The following CSMD1 variants were observed in gnomAD, a reference collection of about 807,000 sequenced individuals.
CSMD1 encodes CUB and sushi domain-containing protein 1.
A neutral mutation model predicts 417.5 loss-of-function variants in CSMD1; 213 were observed. The ratio of observed to expected loss-of-function variants is 0.51; its 90% CI spans 0.46 to 0.57. CSMD1 has a LOEUF of 0.57. CSMD1 is among the 20% of genes least tolerant of loss of function. CSMD1 has a pLI of 0.00. For missense variants in CSMD1, 6,923 were observed against 4,529.7 expected (o/e 1.53, Z -15.17); for synonymous variants, 2,862 against 1,736.8 (o/e 1.65, Z -16.11).
rs549729315 is a variant in CSMD1 at position 4,707,822 on chromosome 8, G to A, written c.86-70264C>T. Among the ~76,000 whole-genome samples, 3 of 147,304 alleles carry A rather than the reference G, an allele frequency of 2.0e-5. No homozygotes were observed. In the South Asian group the frequency reaches 6.5e-4, roughly 32 times the overall value. On this transcript the variant is annotated intron_variant, in intron 1 of 69. Coordinates refer to ENST00000635120, the MANE Select transcript of CSMD1 (RefSeq NM_033225.6). ...GAATCGCTTGAACTCGGGAGGGAGA[G>A]GTTGCAGTGAACCAAGATCGCACCA...
At chr8:3,703,892 A>C (rs953942221) in intron 7 of CSMD1, among the ~76,000 whole-genome samples, 5 of 152,120 alleles carry the variant, frequency 3.3e-5, no homozygotes, top group African/African-American at 9.7e-5. Context: ...CCAATGGTGA[A>C]ACCCCATCTC....
intron 2 of CSMD1, among the ~76,000 whole-genome samples, chr8:4,615,671 C>T (rs948152569): frequency 6.6e-6 from 1 of 151,944 alleles, no homozygotes; most frequent in Non-Finnish European, 1.5e-5. Flanking sequence ...GTGTTATTTC[C>T]TTATACCATC....
At chr8:4,295,624 T>C (rs1585178368) in intron 3 of CSMD1, among the ~76,000 whole-genome samples, 2 of 145,514 alleles carry the variant, frequency 1.4e-5, no homozygotes, top group Admixed American at 1.4e-4. Flanking sequence ...ATTATATATA[T>C]ATAAACATAT....
intron 2 of CSMD1, among the ~76,000 whole-genome samples, chr8:4,614,167 T>C (rs1279034694): frequency 1.3e-5 from 2 of 152,292 alleles, no homozygotes; most frequent in East Asian, 1.9e-4. Flanking sequence ...ATAATAGTTA[T>C]GCATGAAAGA....
At chr8:3,809,564 G>A (rs1449965506) in intron 5 of CSMD1, among the ~76,000 whole-genome samples, 1 of 152,108 alleles carries the variant, frequency 6.6e-6, no homozygotes, top group Non-Finnish European at 1.5e-5. Context: ...GATTCACTGG[G>A]AGAGCTTGTG....
At chr8:3,361,005 T>C (rs1004732878) in intron 20 of CSMD1, among the ~76,000 whole-genome samples, 4 of 152,194 alleles carry the variant, frequency 2.6e-5, no homozygotes, top group Admixed American at 1.3e-4. Flanking sequence ...AGGTGGATAC[T>C]TTCTGAATTA....
intron 37 of CSMD1, among the ~76,000 whole-genome samples, chr8:3,164,056 C>T (rs1194867450): frequency 2.0e-5 from 3 of 152,190 alleles, no homozygotes; most frequent in African/African-American, 7.2e-5. Context: ...GGAGGCAACA[C>T]CATCCCAAAT....
At chr8:4,256,420 G>A (rs745889010) in intron 3 of CSMD1, among the ~76,000 whole-genome samples, 8 of 152,150 alleles carry the variant, frequency 5.3e-5, no homozygotes, top group African/African-American at 1.7e-4. Context: ...TCTGAAAATA[G>A]CACAGAATTG....
chr8:4,421,858 A>T (rs544946286), intron 2 of CSMD1, among the ~76,000 whole-genome samples: 1 of 152,002 alleles, frequency 6.6e-6, no homozygotes, highest in African/African-American at 2.4e-5. Flanking sequence ...AAGAAAAAAG[A>T]ACAAATAATG....
intron 49 of CSMD1, among the ~76,000 whole-genome samples, chr8:3,054,073 G>A (rs1216362897): frequency 2.0e-5 from 3 of 152,322 alleles, no homozygotes; most frequent in East Asian, 3.9e-4. Context: ...TCTGGCCAGA[G>A]AGCAAATCTT....
At chr8:3,003,423 C>G (rs28385459) in intron 52 of CSMD1, among the ~76,000 whole-genome samples, 174 of 152,278 alleles carry the variant, frequency 1.1e-3, no homozygotes, top group African/African-American at 4.0e-3. Flanking sequence ...GAAATGTAAT[C>G]AAGTTCATGC....
chr8:4,458,276 C>A (rs1799605127), intron 2 of CSMD1, among the ~76,000 whole-genome samples: 1 of 152,022 alleles, frequency 6.6e-6, no homozygotes, highest in Non-Finnish European at 1.5e-5. Context: ...AAATGACACT[C>A]AATGAGAAAT....
intron 1 of CSMD1, among the ~76,000 whole-genome samples, chr8:4,833,430 C>T (rs1800267535): frequency 6.6e-6 from 1 of 152,174 alleles, no homozygotes; most frequent in Admixed American, 6.5e-5. Context: ...AATCTGCCCC[C>T]ATGATCCAAT....
At chr8:4,805,574 T>C (rs78144126) in intron 1 of CSMD1, among the ~76,000 whole-genome samples, 76 of 152,286 alleles carry the variant, frequency 5.0e-4, no homozygotes, top group African/African-American at 1.7e-3. Context: ...AAATGTGAAA[T>C]GGAGAGGAAG....
intron 1 of CSMD1, among the ~76,000 whole-genome samples, chr8:4,816,197 T>G (rs1563478295): frequency 1.3e-5 from 2 of 151,846 alleles, no homozygotes; most frequent in African/African-American, 4.8e-5. Flanking sequence ...TATTTGCTTT[T>G]TTTTTGGGAC....
chr8:3,732,075 G>A (rs1338675908), intron 6 of CSMD1, among the ~76,000 whole-genome samples: 2 of 152,074 alleles, frequency 1.3e-5, no homozygotes, highest in Non-Finnish European at 2.9e-5. Flanking sequence ...TGACCAAAGA[G>A]CCTAATAAAA....
intron 5 of CSMD1, among the ~76,000 whole-genome samples, chr8:3,969,587 T>G (rs1041690167): frequency 6.6e-6 from 1 of 152,192 alleles, no homozygotes; most frequent in Non-Finnish European, 1.5e-5. Flanking sequence ...TAATTGAAAT[T>G]TCATTCCATC....
chr8:3,501,415 C>G (rs1006069149), intron 10 of CSMD1, among the ~76,000 whole-genome samples: 1 of 152,166 alleles, frequency 6.6e-6, no homozygotes, highest in African/African-American at 2.4e-5. Flanking sequence ...GTGTCAGAAA[C>G]TGTGATGGCA....
intron 23 of CSMD1, among the ~76,000 whole-genome samples, chr8:3,341,155 G>C (rs1286211935): frequency 2.0e-5 from 3 of 152,146 alleles, no homozygotes; most frequent in East Asian, 3.9e-4. Flanking sequence ...GTCCAGGCAG[G>C]GCTGAGCCTC....
Sources: allele counts gnomAD v4.1 joint callset (sites outside exome capture counted in the v4.1 genomes callset), GRCh38; gene constraint gnomAD v4.1.1; transcripts MANE v1.5; gene names NCBI Gene and HGNC (gene_info 2026-07-23, HGNC 2026-07-21).